Variants in SPG7 observed in about 807,000 individuals in gnomAD.
The protein encoded by SPG7 is mitochondrial inner membrane m-AAA protease component paraplegin.
SPG7 carries 103 observed loss-of-function variants against 81.9 expected under a neutral mutation model. The observed-to-expected ratio is 1.26, with a 90% CI of 1.07 to 1.48. The LOEUF is 1.48. Among genes scored for constraint, SPG7 ranks in the 40% most tolerant of loss-of-function variants. The pLI is 0.00. For synonymous variants in SPG7, 534 were observed against 444.2 expected, an observed-to-expected ratio of 1.20 and a Z score of -2.54; for missense variants, 1,241 against 1,087.3, an observed-to-expected ratio of 1.14 and a Z score of -1.99.
intron 2 of SPG7, among the ~76,000 whole-genome samples, chr16:89,511,127 C>T (rs899173077): frequency 1.7e-4 from 26 of 152,122 alleles, no homozygotes; most frequent in African/African-American, 4.8e-4. Context: ...CATGAGCCAC[C>T]GCATCTGGCC....
intron 8 of SPG7, 124 bp from the exon 9 acceptor site, chr16:89,532,339 T>C (rs2058355728): frequency 4.9e-6 from 6 of 1,236,246 alleles, no homozygotes; most frequent in Middle Eastern, 3.9e-4. Context: ...GTGTGTCTGT[T>C]TGTAGGGAAT....
chr16:89,515,334 T>C (rs1415788419), intron 3 of SPG7, among the ~76,000 whole-genome samples: 2 of 151,570 alleles, frequency 1.3e-5, no homozygotes, highest in African/African-American at 2.4e-5. Flanking sequence ...AGTGGTGCGA[T>C]GTCGGCTCAG....
intron 1 of SPG7, chr16:89,508,897 T>C (rs751495107): frequency 3.3e-6 from 2 of 601,140 alleles, no homozygotes; most frequent in African/African-American, 1.8e-5. Flanking sequence ...CCTTTTAAAG[T>C]GGAATCCAGT....
intron 9 of SPG7, chr16:89,533,072 TCAA>T: frequency 4.4e-5 from 1 of 22,638 alleles, no homozygotes; most frequent in Non-Finnish European, 9.5e-5. Flanking sequence ...AGACTCCATC[TCAA>T]AAAAAAAAAA....
At chr16:89,515,799 C>G (rs1160916736) in intron 3 of SPG7, among the ~76,000 whole-genome samples, 1 of 151,578 alleles carries the variant, frequency 6.6e-6, no homozygotes, top group Non-Finnish European at 1.5e-5. Context: ...CCTCTGCTTC[C>G]TGGGTTCAGG....
Position 89,524,045 on chromosome 16 carries a change from G to C in SPG7, c.416G>C (p.Arg139Pro). 6.2e-7 allele frequency: 1 copy of C among 1,613,586 alleles called. No homozygotes were observed. Among genetic ancestry groups the C allele is most frequent in the Non-Finnish European group, 8.5e-7 (1 of 1,180,028 alleles). The change falls in exon 4 of 17, where the codon CGA (arginine) becomes CCA (proline). Residue 139 changes from arginine to proline, a missense_variant. Arg to Pro is a moderately radical substitution (Grantham distance 103). Transcript: ENST00000645818. The stretch of plus-strand genomic sequence containing the variant: ...CGTGAGCGGGACGACCAGATGTACC[G>C]AGAGCGGCTGCGCACCTTGCTGGTC... ...RRRERDDQMY[R>P]ERLRTLLVIA...
Position 89,529,467 on chromosome 16 carries a change from C to T in SPG7, c.759-10C>T. On this transcript the variant is annotated splice_polypyrimidine_tract_variant and intron_variant, in intron 5 of 16. Transcript: ENST00000645818. ...TCTGAGCCTGTGCCTGCCTCTCTTTCTTCCGGCAGTGCCCTGTACTCTGTG... is the reference window on the plus strand; with the variant it reads ...TCTGAGCCTGTGCCTGCCTCTCTTTTTTCCGGCAGTGCCCTGTACTCTGTG... 2 of 1,601,228 alleles carry T rather than the reference C, an allele frequency of 1.2e-6. No individual in the cohort carries two copies. Among genetic ancestry groups the T allele is most frequent in the Non-Finnish European group, 1.7e-6 (2 of 1,169,706 alleles).
chr16:89,524,157 C>G lies in SPG7; in HGVS notation c.528C>G (p.Ala176=). 2 of 1,614,084 alleles carry G rather than the reference C, an allele frequency of 1.2e-6. No homozygotes were observed. The highest frequency in any genetic ancestry group is 1.7e-6 in the Non-Finnish European group (2 of 1,180,020). ...ACGACTTTGTCCACGAGATGCTGGC[C>G]AAGGGCGAGGTGCAGCGCGTCCAGG... is the stretch of plus-strand genomic sequence containing the variant. ...SWNDFVHEML[A]KGEVQRVQVV... The change falls in exon 4 of 17, where the codon GCC becomes GCG. Residue 176 remains alanine (A), a synonymous_variant. Transcript: ENST00000645818.
At chr16:89,518,626 A>G (rs1182570896) in intron 3 of SPG7, 1 of 152,142 alleles carries the variant, frequency 6.6e-6, no homozygotes, top group Non-Finnish European at 1.5e-5. Context: ...CCGCTCACTG[A>G]TAACGCGGGT....
intron 9 of SPG7, 119 bp downstream of exon 9, chr16:89,532,755 G>A (rs2058362529): frequency 8.1e-7 from 1 of 1,229,574 alleles, no homozygotes; most frequent in Admixed American, 1.9e-5. Flanking sequence ...GGGTGACAGA[G>A]TGAGACTCTG....
At chr16:89,510,068 G>T (rs987047377) in intron 1 of SPG7, among the ~76,000 whole-genome samples, 1 of 151,968 alleles carries the variant, frequency 6.6e-6, no homozygotes, top group Non-Finnish European at 1.5e-5. Flanking sequence ...TCTGCCTCCC[G>T]GGTTCAAGCG....
At chr16:89,524,347 CT>C in intron 4 of SPG7, 100 bp downstream of exon 4, 3 of 1,366,500 alleles carry the variant, frequency 2.2e-6, no homozygotes, top group Non-Finnish European at 3.0e-6. Flanking sequence ...GGTGTGGGCG[CT>C]GGCTGTTGCC....
chr16:89,546,126 C>A (rs185177758), intron 10 of SPG7: 4 of 291,946 alleles, frequency 1.4e-5, no homozygotes. Flanking sequence ...TCACTCTATC[C>A]CCCAGGCTGG....
In SPG7 at chr16:89,530,824, G is replaced by T; in HGVS notation, c.987+16G>T. Reference sequence around the variant, plus strand: ...TTATCTGAAGGTGAAAGCAGCGTGGGCCGGGAGGGAGGTGTGAGCAGAGGC... The same window carrying T: ...TTATCTGAAGGTGAAAGCAGCGTGGTCCGGGAGGGAGGTGTGAGCAGAGGC... On this transcript the variant is annotated intron_variant, in intron 7 of 16. Transcript: ENST00000645818. 1 of 1,613,772 alleles carries T rather than the reference G, an allele frequency of 6.2e-7. No individual in the cohort carries two copies. The highest frequency in any genetic ancestry group is 8.5e-7 in the Non-Finnish European group (1 of 1,179,990).
chr16:89,537,329 G>C, intron 9 of SPG7: 1 of 1,197,698 alleles, frequency 8.3e-7, no homozygotes, highest in Non-Finnish European at 1.0e-6. Context: ...AGGCACCGCC[G>C]GCGATGGACG....
chr16:89,549,280 C>T (rs1194234675), intron 12 of SPG7: 2 of 455,254 alleles, frequency 4.4e-6, no homozygotes, highest in African/African-American at 2.0e-5. Flanking sequence ...TCAAGTTGTA[C>T]AGAATGGACA....
At chr16:89,541,371 G>A (rs1314416378) in intron 9 of SPG7, 7 of 953,044 alleles carry the variant, frequency 7.3e-6, no homozygotes, top group South Asian at 9.7e-5. Context: ...GCTTAGTATC[G>A]TATGACTCCA....
chr16:89,550,462 C>T (rs569701222), intron 12 of SPG7, 32 bp from the exon 13 acceptor site: 30 of 1,515,188 alleles, frequency 2.0e-5, no homozygotes, highest in African/African-American at 8.2e-5. Context: ...CGTGAGCCAC[C>T]GCGCCCAACT....
intron 5 of SPG7, chr16:89,528,542 A>AGGGTT (rs1285948368): frequency 7.0e-6 from 1 of 143,806 alleles, no homozygotes; most frequent in East Asian, 2.0e-4. Context: ...CAGAAGATGG[A>AGGGTT]GGGTTGGGGC....
Sources: gnomAD v4.1 joint callset for allele counts (sites outside exome capture counted in the v4.1 genomes callset) on GRCh38, gnomAD v4.1.1 for gene constraint, MANE v1.5 for transcripts, NCBI Gene and HGNC (gene_info 2026-07-23, HGNC 2026-07-21) for gene names.